The following DENND1A variants were observed in gnomAD, a reference collection of about 807,000 sequenced individuals.
The protein encoded by DENND1A is DENN domain-containing protein 1A.
A neutral mutation model predicts 113.7 loss-of-function variants in DENND1A; 51 were observed. The observed-to-expected ratio is 0.45, with a 90% confidence interval of 0.36 to 0.57. DENND1A has a LOEUF of 0.57. Among genes scored for constraint, DENND1A ranks in the 20% least tolerant of loss-of-function variants. The probability of loss-of-function intolerance (pLI) is 0.00; values close to 1 mark genes in which losing one functional copy is unlikely to be tolerated. For synonymous variants in DENND1A, 565 were observed against 570.8 expected (o/e 0.99, Z 0.14); for missense variants, 1,258 against 1,395.9 (o/e 0.90, Z 1.57).
At chr9:123,453,163 G>T (rs1441813290) in intron 16 of DENND1A, among the ~76,000 whole-genome samples, 1 of 152,194 alleles carries the variant, frequency 6.6e-6, no homozygotes, top group African/African-American at 2.4e-5. Flanking sequence ...CAGGCCAAGG[G>T]AGGCCTGATC....
intron 2 of DENND1A, among the ~76,000 whole-genome samples, chr9:123,851,834 A>G (rs1169468836): frequency 1.3e-5 from 2 of 152,176 alleles, no homozygotes; most frequent in African/African-American, 4.8e-5. Flanking sequence ...CTGTTGACTC[A>G]CTAAACTTTA....
rs138634586 is a variant in DENND1A at position 123,382,280 on chromosome 9, C to G, written c.2365G>C (p.Gly789Arg). The change falls in exon 24 of 24, where the codon GGC becomes CGC. Residue 789 changes from glycine to arginine, a missense_variant. By Grantham distance (125) the Gly-to-Arg change is moderately radical. Around this residue, in one of 2 missense-constraint regions of DENND1A, gnomAD observed 1,159 missense variants for 1,231.7 expected, o/e 0.94. Transcript: ENST00000394215. ...TCTGAGACGTCACCAAGTGCGGCGC[C>G]GGCAGCCTGGAGCTTGGCCGGGCGG... ...IPRPAKLQAA[G>R]AALGDVSERL... is the part of the protein sequence containing the mutation. The G allele has an allele frequency of 1.2e-6, 2 of 1,610,826 alleles. No homozygotes were observed. The highest frequency in any genetic ancestry group is 2.7e-5 in the African/African-American group (2 of 75,014).
chr9:123,465,300 T>C (rs1209885684), intron 13 of DENND1A, among the ~76,000 whole-genome samples: 1 of 146,734 alleles, frequency 6.8e-6, no homozygotes, highest in East Asian at 2.0e-4. Flanking sequence ...GGCTGGTTTT[T>C]GTCTTTGATT....
chr9:123,747,127 A>G (rs541878241), intron 5 of DENND1A, among the ~76,000 whole-genome samples: 6 of 152,166 alleles, frequency 3.9e-5, no homozygotes, highest in Non-Finnish European at 5.9e-5. Context: ...AAAAAAAATC[A>G]GTCAGTCATC....
At chr9:123,654,942 C>T (rs919752265) in intron 8 of DENND1A, among the ~76,000 whole-genome samples, 1 of 152,194 alleles carries the variant, frequency 6.6e-6, no homozygotes, top group Non-Finnish European at 1.5e-5. Context: ...AGCCTCAGTT[C>T]AGAAGCACGC....
intron 5 of DENND1A, among the ~76,000 whole-genome samples, chr9:123,699,520 C>T (rs973350914): frequency 6.6e-6 from 1 of 151,958 alleles, no homozygotes; most frequent in Non-Finnish European, 1.5e-5. Context: ...CCAGGTTCCC[C>T]CCTCACCCTG....
intron 2 of DENND1A, among the ~76,000 whole-genome samples, chr9:123,826,357 C>G (rs1051718397): frequency 1.3e-5 from 2 of 152,064 alleles, no homozygotes; most frequent in Non-Finnish European, 2.9e-5. Flanking sequence ...GAACTGTGAT[C>G]ACTCCACTGC....
chr9:123,852,032 C>T (rs753939348), intron 2 of DENND1A, among the ~76,000 whole-genome samples: 18 of 152,272 alleles, frequency 1.2e-4, no homozygotes, highest in Admixed American at 6.5e-5. Context: ...ATTTGGGGAC[C>T]GCTATTGAGT....
At position 123,723,365 on chromosome 9, in the gene DENND1A, G is replaced by C. The variant is rs759089671; in HGVS notation, c.302+34338C>G. 2.0e-5 allele frequency among the ~76,000 whole-genome samples: 3 copies of C among 152,226 alleles called. No homozygotes were observed. In the South Asian group the frequency reaches 6.2e-4, roughly 32 times the overall value. On this transcript the variant is annotated intron_variant, in intron 5 of 23. Coordinates refer to ENST00000394215, the MANE Select transcript of DENND1A (RefSeq NM_001352964.2). ...TTGGACTGTGGACTTTCGAGTTAAT[G>C]ATGAAATCAGTTAAGACTTTGGGGG...
chr9:123,439,631 A>G (rs565319176), intron 19 of DENND1A: 1 of 152,786 alleles, frequency 6.5e-6, no homozygotes, highest in Non-Finnish European at 1.5e-5. Context: ...TGTTACAGCC[A>G]TATCTTGCTA....
Position 123,381,566 on chromosome 9 carries a change from C to A in DENND1A, c.3079G>T (p.Ala1027Ser). The change falls in exon 24 of 24, where the codon GCT (alanine) becomes TCT (serine). Residue 1027 changes from alanine (A) to serine (S), a missense_variant. Physicochemically the swap from Ala to Ser is moderately conservative, Grantham distance 99. Transcript: ENST00000394215. This position sits in a 1 kb window ranked among gnomAD's most constrained non-coding sequence, Gnocchi z 4.7. ...AAGGGGTCTCTGGCCTGTTGAGGAG[C>A]AGAGGGCTGCAGTGTTGGCTCCAGG... ...QGLEPTLQPS[A>S]PQQARDPFED... The A allele has an allele frequency of 6.2e-7, 1 of 1,613,666 alleles. No individual in the cohort carries two copies. Among genetic ancestry groups the A allele is most frequent in the Non-Finnish European group, 8.5e-7 (1 of 1,179,978 alleles).
intron 3 of DENND1A, among the ~76,000 whole-genome samples, chr9:123,776,529 C>G (rs1382824746): frequency 4.6e-5 from 7 of 152,256 alleles, no homozygotes; most frequent in Non-Finnish European, 1.0e-4. Context: ...AAAATAGATT[C>G]AAATGTGTAC....
intron 1 of DENND1A, among the ~76,000 whole-genome samples, chr9:123,903,903 T>C (rs1852232003): frequency 6.6e-6 from 1 of 152,054 alleles, no homozygotes; most frequent in Admixed American, 6.5e-5. Context: ...CTCTGTAGGC[T>C]CCACCTCTGG....
At chr9:123,455,712 T>C (rs1173369992) in intron 15 of DENND1A, among the ~76,000 whole-genome samples, 1 of 152,086 alleles carries the variant, frequency 6.6e-6, no homozygotes, top group Non-Finnish European at 1.5e-5. Context: ...AGAAAGAAAA[T>C]GGATGTGCTG....
chr9:123,627,731 C>T (rs1425426342), intron 10 of DENND1A, among the ~76,000 whole-genome samples: 1 of 137,350 alleles, frequency 7.3e-6, no homozygotes, highest in Non-Finnish European at 1.5e-5. Flanking sequence ...CAGAGCAAAA[C>T]TCTGTCTCAA....
chr9:123,625,896 C>T (rs1327728069), intron 10 of DENND1A, among the ~76,000 whole-genome samples: 1 of 152,154 alleles, frequency 6.6e-6, no homozygotes, highest in Non-Finnish European at 1.5e-5. Flanking sequence ...TGAATCTCTT[C>T]CAGGGGGAAC....
chr9:123,818,386 G>A (rs1000109235), intron 2 of DENND1A, among the ~76,000 whole-genome samples: 1 of 152,036 alleles, frequency 6.6e-6, no homozygotes. Flanking sequence ...TTACAGGCGT[G>A]AGCCACCGCA....
intron 5 of DENND1A, among the ~76,000 whole-genome samples, chr9:123,749,676 G>T (rs2069833154): frequency 6.6e-6 from 1 of 152,118 alleles, no homozygotes; most frequent in African/African-American, 2.4e-5. Flanking sequence ...GTCTATCCAT[G>T]TTCAAAATGA....
At chr9:123,674,980 GT>G (rs2063981978) in intron 6 of DENND1A, among the ~76,000 whole-genome samples, 1 of 151,968 alleles carries the variant, frequency 6.6e-6, no homozygotes, top group African/African-American at 2.4e-5. Flanking sequence ...AAACCTGAAT[GT>G]TTGACTAAAG....
Sources: allele counts gnomAD v4.1 joint callset (sites outside exome capture counted in the v4.1 genomes callset), GRCh38; gene constraint gnomAD v4.1.1; regional missense constraint gnomAD v4.1.1; non-coding constraint Gnocchi (gnomAD v3.1); transcripts MANE v1.5; gene names NCBI Gene and HGNC (gene_info 2026-07-23, HGNC 2026-07-21).